SEC14L1: variants seen among roughly 807,000 people sequenced by gnomAD.
The protein encoded by SEC14L1 is SEC14-like protein 1.
SEC14L1 carries 48 observed loss-of-function variants against 85.3 expected under a neutral mutation model. The observed-to-expected ratio is 0.56, with a 90% CI of 0.45 to 0.72. The LOEUF (loss-of-function observed/expected upper bound fraction) is 0.72. SEC14L1 is among the 30% of genes least tolerant of loss of function. The pLI is 0.00. For missense variants in SEC14L1, 682 were observed against 921.4 expected (o/e 0.74, Z 3.36); for synonymous variants, 391 against 355.5 (o/e 1.10, Z -1.12).
intron 2 of SEC14L1, among the ~76,000 whole-genome samples, chr17:77,092,852 G>A (rs1199868737): frequency 6.6e-6 from 1 of 151,836 alleles, no homozygotes; most frequent in African/African-American, 2.4e-5. Context: ...AGAGGCTGAG[G>A]CAGGAGAATT....
At chr17:77,089,892 C>T (rs1971464477) in intron 2 of SEC14L1, 1 of 165,290 alleles carries the variant, frequency 6.0e-6, no homozygotes, top group African/African-American at 2.4e-5. Context: ...TGGCATGTGC[C>T]TGTAATCCCA....
At chr17:77,147,559 C>T (rs942868559) in intron 3 of SEC14L1, among the ~76,000 whole-genome samples, 1 of 152,080 alleles carries the variant, frequency 6.6e-6, no homozygotes, top group East Asian at 1.9e-4. Flanking sequence ...CCTTGGAGGG[C>T]GGGGAATCTG....
In SEC14L1 at chr17:77,214,615, C is replaced by T; in HGVS notation, c.*592C>T. On this transcript the variant is annotated 3_prime_UTR_variant, in exon 17 of 17. Coordinates refer to ENST00000436233, the MANE Select transcript of SEC14L1 (RefSeq NM_001143998.2). ...CAGGGCCAGACACACCCACACCACC[C>T]ACTGTCCTGCAGTGGGGCCGGGGGC... 1.0e-6 allele frequency: 1 copy of T among 986,604 alleles called. No homozygotes were observed. Among genetic ancestry groups the T allele is most frequent in the Non-Finnish European group, 1.2e-6 (1 of 830,786 alleles). The allele number at this position is 986,604 out of a possible 1,614,324, so 61.1% of individuals were successfully genotyped here. A position where few individuals can be genotyped will look rare whatever the true frequency, so the allele number is the denominator to read the frequency against.
chr17:77,198,317 T>C (rs1975918112), intron 8 of SEC14L1, among the ~76,000 whole-genome samples: 1 of 152,236 alleles, frequency 6.6e-6, no homozygotes, highest in African/African-American at 2.4e-5. Flanking sequence ...TGGCCAGTTA[T>C]GTAAACCCAA....
intron 2 of SEC14L1, among the ~76,000 whole-genome samples, chr17:77,092,505 T>C (rs901967864): frequency 1.3e-5 from 2 of 152,036 alleles, no homozygotes; most frequent in African/African-American, 4.8e-5. Flanking sequence ...CTGAGTAATA[T>C]GTGGCTGGAG....
At chr17:77,145,002 C>T (rs539706162) in intron 3 of SEC14L1, 3 of 152,236 alleles carry the variant, frequency 2.0e-5, no homozygotes, top group African/African-American at 4.8e-5. Context: ...GCCTCTGCCT[C>T]CTGAGTTCAA....
intron 3 of SEC14L1, among the ~76,000 whole-genome samples, chr17:77,109,172 A>G (rs1971993045): frequency 6.6e-6 from 1 of 152,074 alleles, no homozygotes; most frequent in Admixed American, 6.6e-5. Flanking sequence ...AACAGAACAA[A>G]AAGCATATTG....
Position 77,206,177 on chromosome 17 carries a change from T to A in SEC14L1, c.1170-52T>A. On this transcript the variant is annotated intron_variant, in intron 11 of 16. Coordinates refer to ENST00000436233, the MANE Select transcript of SEC14L1 (RefSeq NM_001143998.2). This position sits in a 1 kb window ranked among gnomAD's most constrained non-coding sequence, Gnocchi z 4.3. ...CAAAAAGGAAGAAAATAAGACACAG[T>A]TTGCTAAGTGTGCTGTCTGTTGAAT... 6.4e-7 allele frequency: 1 copy of A among 1,563,100 alleles called. No homozygotes were observed. Among genetic ancestry groups the A allele is most frequent in the East Asian group, 2.3e-5 (1 of 44,268 alleles).
At chr17:77,173,635 C>G (rs1974623104) in intron 3 of SEC14L1, among the ~76,000 whole-genome samples, 1 of 152,208 alleles carries the variant, frequency 6.6e-6, no homozygotes. Flanking sequence ...AAATCCAATC[C>G]TCATTTGACC....
Position 77,214,501 on chromosome 17 carries a change from G to C in SEC14L1, c.*478G>C, listed in dbSNP as rs933917895. 4 of 1,000,560 alleles carry C rather than the reference G, an allele frequency of 4.0e-6. No homozygotes were observed. In the African/African-American group the frequency reaches 7.0e-5, roughly 17 times the overall value. 62.0% of individuals were successfully genotyped at this position (1,000,560 alleles called of 1,614,324 possible). ...CCGCCTCACGGCCCCCATGCTTCCC[G>C]CCAGTCAAGATGGTCTGTGGACTTA... On this transcript the variant is annotated 3_prime_UTR_variant, in exon 17 of 17. Coordinates refer to ENST00000436233, the MANE Select transcript of SEC14L1 (RefSeq NM_001143998.2).
rs953211277 is a variant in SEC14L1, at chr17:77,212,122, T to C, written c.1784T>C (p.Ile595Thr). 9 of 1,614,020 alleles carry C rather than the reference T, an allele frequency of 5.6e-6. No homozygotes were observed. The highest frequency in any genetic ancestry group is 5.1e-6 in the Non-Finnish European group (6 of 1,180,034). The change falls in exon 15 of 17, where the codon ATA becomes ACA. Residue 595 changes from isoleucine (I) to threonine (T), a missense_variant. Physicochemically the swap from Ile to Thr is moderately conservative, Grantham distance 89. Around this residue, in one of 3 missense-constraint regions of SEC14L1, gnomAD observed 420 missense variants for 619.5 expected, o/e 0.68. Coordinates refer to ENST00000436233, the MANE Select transcript of SEC14L1 (RefSeq NM_001143998.2). ...TSPGGNNVQLIDKVWQLGRDY... is the reference protein window; with the variant it reads ...TSPGGNNVQLTDKVWQLGRDY... ...CCGGGTGGGAACAATGTGCAGCTCA[T>C]AGACAAAGTCTGGCAGCTGGGCCGC...
At chr17:77,119,381 G>C (rs1972247189) in intron 3 of SEC14L1, among the ~76,000 whole-genome samples, 1 of 151,406 alleles carries the variant, frequency 6.6e-6, no homozygotes, top group Middle Eastern at 3.2e-3. Context: ...GCGAATTCCA[G>C]ACTCTGTCCT....
chr17:77,099,264 C>G (rs1033332032), intron 3 of SEC14L1: 8 of 152,158 alleles, frequency 5.3e-5, no homozygotes, highest in African/African-American at 1.9e-4. Context: ...AAAACCAAGA[C>G]TTGGGTTTTA....
At chr17:77,089,384 G>C (rs1339503877) in intron 2 of SEC14L1, 9 of 518,958 alleles carry the variant, frequency 1.7e-5, no homozygotes, top group Non-Finnish European at 3.5e-5. Context: ...GCCCAACCCT[G>C]ACCTAAAGTA....
At chr17:77,179,508 G>A (rs773948785) in intron 3 of SEC14L1, among the ~76,000 whole-genome samples, 1 of 151,936 alleles carries the variant, frequency 6.6e-6, no homozygotes, top group Non-Finnish European at 1.5e-5. Flanking sequence ...TTTTTCCTTT[G>A]ATTTTATAGC....
intron 2 of SEC14L1, among the ~76,000 whole-genome samples, chr17:77,143,233 A>G (rs1256464610): frequency 3.9e-5 from 6 of 152,264 alleles, no homozygotes. Flanking sequence ...TTATTAGAAT[A>G]ATAGAATCAT....
In SEC14L1 at chr17:77,206,077, G is replaced by T. The variant is rs772810346; in HGVS notation, c.1170-152G>T. On this transcript the variant is annotated intron_variant, in intron 11 of 16. Transcript: ENST00000436233. The surrounding 1 kb of genome is among the most constrained non-coding windows in gnomAD (Gnocchi z 4.3). The stretch of plus-strand genomic sequence containing the variant: ...GTTTTGTACAAGTAGATATAAACAG[G>T]GTTCATAGCACTATACATAGCACTA... 8.8e-6 allele frequency: 6 copies of T among 683,832 alleles called. No homozygotes were observed. The East Asian group carries it at 1.7e-4, about 19-fold the overall frequency. The allele number at this position is 683,832 out of a possible 1,614,324, so 42.4% of individuals were successfully genotyped here.
chr17:77,113,712 C>CAA (rs1972101691), intron 3 of SEC14L1, among the ~76,000 whole-genome samples: 1 of 152,146 alleles, frequency 6.6e-6, no homozygotes, highest in Non-Finnish European at 1.5e-5. Flanking sequence ...CGCCACTGCA[C>CAA]TCCAGCCTGG....
At chr17:77,180,188 C>T (rs1270121797) in intron 3 of SEC14L1, among the ~76,000 whole-genome samples, 1 of 151,780 alleles carries the variant, frequency 6.6e-6, no homozygotes, top group South Asian at 2.1e-4. Flanking sequence ...ACTGCAACCC[C>T]TGCCTCCTGG....
Sources: allele counts gnomAD v4.1 joint callset (sites outside exome capture counted in the v4.1 genomes callset), GRCh38; gene constraint gnomAD v4.1.1; regional missense constraint gnomAD v4.1.1; non-coding constraint Gnocchi (gnomAD v3.1); transcripts MANE v1.5; gene names NCBI Gene and HGNC (gene_info 2026-07-23, HGNC 2026-07-21).